The following RUNDC3B variants were observed in gnomAD, a reference collection of about 807,000 sequenced individuals.
The protein encoded by RUNDC3B is RUN domain-containing protein 3B.
RUNDC3B carries 33 observed loss-of-function variants against 58.4 expected under a neutral mutation model. The ratio of observed to expected loss-of-function variants is 0.56; its 90% CI spans 0.43 to 0.75. RUNDC3B has a LOEUF of 0.75. RUNDC3B is among the 30% of genes least tolerant of loss of function. RUNDC3B has a pLI of 0.00. For synonymous variants in RUNDC3B, 193 were observed against 195.2 expected (o/e 0.99, Z 0.10); for missense variants, 501 against 535.7 (o/e 0.94, Z 0.64).
At chr7:87,665,755 G>T (rs1046193987) in intron 2 of RUNDC3B, among the ~76,000 whole-genome samples, 4 of 151,984 alleles carry the variant, frequency 2.6e-5, no homozygotes, top group African/African-American at 4.8e-5. Flanking sequence ...TGTGTAGTCA[G>T]TGTTTAGCTC....
rs548643542 is a variant in RUNDC3B at position 87,731,586 on chromosome 7, C to T, written c.459-8205C>T. Among the ~76,000 whole-genome samples the T allele has an allele frequency of 2.0e-5, 3 of 152,040 alleles. No homozygotes were observed. The South Asian group carries it at 6.2e-4, about 32-fold the overall frequency. ...GAAGGATGGAAAAAGATATTCCATGCCAATGGAACCAAACATAGAAAAAAA... is the reference window on the plus strand; with the variant it reads ...GAAGGATGGAAAAAGATATTCCATGTCAATGGAACCAAACATAGAAAAAAA... On this transcript the variant is annotated intron_variant, in intron 4 of 10. Transcript: ENST00000394654.
intron 6 of RUNDC3B, among the ~76,000 whole-genome samples, chr7:87,750,726 G>A (rs1387678014): frequency 1.3e-5 from 2 of 150,594 alleles, no homozygotes; most frequent in South Asian, 4.2e-4. Context: ...TGATGGGGTT[G>A]TTTGTTTTTT....
At chr7:87,694,157 A>G (rs1828284994) in intron 2 of RUNDC3B, 1 of 469,484 alleles carries the variant, frequency 2.1e-6, no homozygotes, top group African/African-American at 2.1e-5. Context: ...TAAAATTAAA[A>G]TCTTGTAAAT....
chr7:87,788,536 C>T (rs955831668), intron 8 of RUNDC3B, among the ~76,000 whole-genome samples: 4 of 152,036 alleles, frequency 2.6e-5, no homozygotes, highest in Admixed American at 2.6e-4. Flanking sequence ...CTGTGTACAG[C>T]TTGACTTTAG....
At chr7:87,724,937 AT>A (rs1479771006) in intron 4 of RUNDC3B, among the ~76,000 whole-genome samples, 1 of 152,002 alleles carries the variant, frequency 6.6e-6, no homozygotes, top group Non-Finnish European at 1.5e-5. Flanking sequence ...AAAAGAAATA[AT>A]TATTCATTTG....
intron 3 of RUNDC3B, among the ~76,000 whole-genome samples, chr7:87,704,690 A>G (rs1028751176): frequency 6.6e-6 from 1 of 152,240 alleles, no homozygotes; most frequent in African/African-American, 2.4e-5. Flanking sequence ...TCCTGCATTT[A>G]TATCTTTGTT....
intron 1 of RUNDC3B, among the ~76,000 whole-genome samples, chr7:87,638,747 T>C (rs772794693): frequency 4.6e-5 from 7 of 152,184 alleles, no homozygotes; most frequent in Non-Finnish European, 4.4e-5. Flanking sequence ...GCTAGGCATT[T>C]ATTAATTTTA....
At chr7:87,762,733 G>A (rs1195546262) in intron 6 of RUNDC3B, among the ~76,000 whole-genome samples, 1 of 151,352 alleles carries the variant, frequency 6.6e-6, no homozygotes, top group African/African-American at 2.4e-5. Context: ...ATAGTAAGAT[G>A]TCATCAATTA....
intron 10 of RUNDC3B, among the ~76,000 whole-genome samples, chr7:87,823,789 TATAC>T (rs1384952245): frequency 2.6e-4 from 39 of 147,880 alleles, no homozygotes; most frequent in South Asian, 6.4e-4. Context: ...ATTTCATATA[TATAC>T]ACACACACAC....
At chr7:87,752,920 T>C (rs1833110771) in intron 6 of RUNDC3B, among the ~76,000 whole-genome samples, 1 of 151,504 alleles carries the variant, frequency 6.6e-6, no homozygotes. Context: ...TCTGCTAGCT[T>C]TTGAATGTGT....
At chr7:87,799,416 T>C (rs1017141412) in intron 8 of RUNDC3B, among the ~76,000 whole-genome samples, 19 of 152,172 alleles carry the variant, frequency 1.2e-4, no homozygotes, top group Non-Finnish European at 2.5e-4. Context: ...TTTGGTGACT[T>C]TCCCTTTCTT....
chr7:87,699,326 T>A (rs923237033), intron 2 of RUNDC3B, among the ~76,000 whole-genome samples: 1 of 152,190 alleles, frequency 6.6e-6, no homozygotes, highest in Non-Finnish European at 1.5e-5. Flanking sequence ...CTAAAGAAAG[T>A]ATTAAGATGT....
At chr7:87,739,532 TAGG>T (rs1020214523) in intron 4 of RUNDC3B, among the ~76,000 whole-genome samples, 4 of 152,024 alleles carry the variant, frequency 2.6e-5, no homozygotes, top group African/African-American at 9.7e-5. Context: ...GGTTTCTTTT[TAGG>T]AGAGCTGGAA....
At chr7:87,670,194 TCTGA>T (rs1319484126) in intron 2 of RUNDC3B, among the ~76,000 whole-genome samples, 1 of 152,378 alleles carries the variant, frequency 6.6e-6, no homozygotes, top group Middle Eastern at 3.4e-3. Flanking sequence ...ATTATTTTCA[TCTGA>T]CTTTCTTATT....
intron 2 of RUNDC3B, among the ~76,000 whole-genome samples, chr7:87,693,660 A>G (rs1053295117): frequency 5.3e-5 from 8 of 152,186 alleles, no homozygotes; most frequent in African/African-American, 1.7e-4. Context: ...TTCTGCTCAC[A>G]TATTTTTGAC....
chr7:87,689,278 T>C (rs1827785534), intron 2 of RUNDC3B, among the ~76,000 whole-genome samples: 1 of 152,128 alleles, frequency 6.6e-6, no homozygotes, highest in South Asian at 2.1e-4. Context: ...TCTCTGATGG[T>C]AATTCATGTT....
chr7:87,730,502 A>G (rs1831515200), intron 4 of RUNDC3B, among the ~76,000 whole-genome samples: 1 of 151,334 alleles, frequency 6.6e-6, no homozygotes, highest in South Asian at 2.1e-4. Context: ...GAAGAGTGGA[A>G]AGGACTTTGT....
chr7:87,809,135 A>G (rs1469986827), intron 9 of RUNDC3B, among the ~76,000 whole-genome samples: 5 of 152,194 alleles, frequency 3.3e-5, no homozygotes, highest in Non-Finnish European at 7.4e-5. Context: ...ACAAAGTATT[A>G]TAGCAGCAGA....
intron 2 of RUNDC3B, among the ~76,000 whole-genome samples, chr7:87,668,515 C>T (rs543996348): frequency 4.0e-5 from 6 of 151,446 alleles, no homozygotes; most frequent in Non-Finnish European, 8.8e-5. Context: ...TTCTTGTCTT[C>T]CGCTAGTATT....
Sources: gnomAD v4.1 joint callset for allele counts (sites outside exome capture counted in the v4.1 genomes callset) on GRCh38, gnomAD v4.1.1 for gene constraint, MANE v1.5 for transcripts, NCBI Gene and HGNC (gene_info 2026-07-23, HGNC 2026-07-21) for gene names.